The following GRIK1 variants were observed in gnomAD, a reference collection of about 807,000 sequenced individuals.
The protein encoded by GRIK1 is glutamate ionotropic receptor kainate type subunit 1.
GRIK1 carries 69 observed loss-of-function variants against 105.7 expected under a neutral mutation model. The observed-to-expected ratio is 0.65, with a 90% confidence interval of 0.54 to 0.80. The LOEUF (loss-of-function observed/expected upper bound fraction) is 0.80. GRIK1 is among the 30% of genes least tolerant of loss of function. The pLI, the probability that GRIK1 is intolerant of heterozygous loss-of-function variation, is 0.00. For synonymous variants in GRIK1, 438 were observed against 431.3 expected, an observed-to-expected ratio of 1.02 and a Z score of -0.19; for missense variants, 1,109 against 1,167.3, an observed-to-expected ratio of 0.95 and a Z score of 0.73.
intron 14 of GRIK1, among the ~76,000 whole-genome samples, chr21:29,573,426 A>C (rs2090804558): frequency 6.6e-6 from 1 of 152,216 alleles, no homozygotes; most frequent in Admixed American, 6.5e-5. Flanking sequence ...AAAGAGGGGC[A>C]TGAGAAAGAA....
At chr21:29,596,289 T>TG in intron 9 of GRIK1, 1 of 649,600 alleles carries the variant, frequency 1.5e-6, no homozygotes, top group Non-Finnish European at 2.8e-6. Context: ...AAAATAATCT[T>TG]GGGGGAAATA....
intron 1 of GRIK1, among the ~76,000 whole-genome samples, chr21:29,706,293 T>G (rs1213349432): frequency 6.6e-6 from 1 of 152,234 alleles, no homozygotes; most frequent in African/African-American, 2.4e-5. Flanking sequence ...TTTACTGATT[T>G]AAATAATTGT....
chr21:29,629,778 C>T (rs1169770541), intron 7 of GRIK1, among the ~76,000 whole-genome samples: 30 of 152,100 alleles, frequency 2.0e-4, no homozygotes, highest in Admixed American at 1.9e-3. Flanking sequence ...CGTGAGCCAC[C>T]GCGCCTGGCC....
chr21:29,641,391 A>G (rs2062507042), intron 7 of GRIK1, among the ~76,000 whole-genome samples: 1 of 146,450 alleles, frequency 6.8e-6, no homozygotes, highest in African/African-American at 2.8e-5. Context: ...GCCACCATGT[A>G]GACATGCCTT....
intron 1 of GRIK1, among the ~76,000 whole-genome samples, chr21:29,761,766 T>TTC (rs1555884720): frequency 1.3e-5 from 2 of 151,296 alleles, no homozygotes; most frequent in Non-Finnish European, 3.0e-5. Flanking sequence ...TTTTTTTTTT[T>TTC]CTCACAGTTT....
chr21:29,923,536 T>C (rs2071258297), intron 1 of GRIK1, among the ~76,000 whole-genome samples: 1 of 152,202 alleles, frequency 6.6e-6, no homozygotes, highest in South Asian at 2.1e-4. Flanking sequence ...ACAACGAGTG[T>C]TTCCTTTCTC....
chr21:29,709,238 A>T (rs73354528), intron 1 of GRIK1, among the ~76,000 whole-genome samples: 2,212 of 151,588 alleles, frequency 0.015, 65 homozygotes, highest in African/African-American at 0.051. Context: ...ACTTGCTGGT[A>T]AATAAATGAC....
intron 1 of GRIK1, among the ~76,000 whole-genome samples, chr21:29,772,612 A>T (rs902098266): frequency 2.6e-5 from 4 of 152,198 alleles, no homozygotes; most frequent in Admixed American, 1.3e-4. Flanking sequence ...TTTGAACAAA[A>T]ACTAATTGCA....
intron 1 of GRIK1, among the ~76,000 whole-genome samples, chr21:29,835,608 A>ACAGT (rs1309918845): frequency 1.3e-5 from 2 of 152,286 alleles, no homozygotes; most frequent in East Asian, 3.9e-4. Context: ...GGGTATTAAA[A>ACAGT]CAGTCAGTGC....
intron 4 of GRIK1, among the ~76,000 whole-genome samples, chr21:29,669,177 T>C (rs2063118052): frequency 6.6e-6 from 1 of 152,226 alleles, no homozygotes; most frequent in Non-Finnish European, 1.5e-5. Context: ...ATTACTTTGC[T>C]GGAGTAATTA....
At chr21:29,876,632 T>C (rs2146163109) in intron 1 of GRIK1, among the ~76,000 whole-genome samples, 1 of 152,350 alleles carries the variant, frequency 6.6e-6, no homozygotes, top group Non-Finnish European at 1.5e-5. Flanking sequence ...CACGTTATCC[T>C]AGTGCTATTA....
chr21:29,598,691 AAGAG>A (rs1271213248), intron 8 of GRIK1, 135 bp downstream of exon 8: 3 of 530,484 alleles, frequency 5.7e-6, no homozygotes, highest in Non-Finnish European at 9.9e-6. Flanking sequence ...AGAAAAAAGA[AAGAG>A]AGATAAAAAA....
chr21:29,661,265 A>G (rs1021036362), intron 4 of GRIK1, among the ~76,000 whole-genome samples: 10 of 152,356 alleles, frequency 6.6e-5, no homozygotes, highest in African/African-American at 2.2e-4. Context: ...TATGGAGGGG[A>G]CCAAATAATG....
At chr21:29,828,184 C>T (rs58756065) in intron 1 of GRIK1, among the ~76,000 whole-genome samples, 268 of 152,030 alleles carry the variant, frequency 1.8e-3, no homozygotes, top group African/African-American at 5.9e-3. Context: ...TATTCTGCTT[C>T]CTTCTATTGG....
chr21:29,820,806 G>A (rs767723723), intron 1 of GRIK1, among the ~76,000 whole-genome samples: 9 of 151,916 alleles, frequency 5.9e-5, no homozygotes, highest in Non-Finnish European at 1.0e-4. Flanking sequence ...TTATTACTAG[G>A]CAATCAGGAT....
At chr21:29,587,065 G>C (rs1484831042) in intron 12 of GRIK1, among the ~76,000 whole-genome samples, 1 of 152,022 alleles carries the variant, frequency 6.6e-6, no homozygotes, top group Non-Finnish European at 1.5e-5. Flanking sequence ...CACATCATTT[G>C]AGCCATTACT....
chr21:29,917,324 T>G (rs1370257923), intron 1 of GRIK1, among the ~76,000 whole-genome samples: 1 of 152,050 alleles, frequency 6.6e-6, no homozygotes, highest in Non-Finnish European at 1.5e-5. Flanking sequence ...ATTAAGCATG[T>G]CTCACTTCTT....
At chr21:29,856,011 G>T (rs529700910) in intron 1 of GRIK1, among the ~76,000 whole-genome samples, 1 of 152,316 alleles carries the variant, frequency 6.6e-6, no homozygotes, top group South Asian at 2.1e-4. Flanking sequence ...CTTAATCTTG[G>T]AAATATTGTT....
chr21:29,778,410 G>C (rs910697890), intron 1 of GRIK1, among the ~76,000 whole-genome samples: 5 of 152,158 alleles, frequency 3.3e-5, no homozygotes, highest in African/African-American at 1.2e-4. Flanking sequence ...AGATTCTAGC[G>C]CAGTTCCTTG....
Sources: allele counts gnomAD v4.1 joint callset (sites outside exome capture counted in the v4.1 genomes callset), GRCh38; gene constraint gnomAD v4.1.1; transcripts MANE v1.5; gene names NCBI Gene and HGNC (gene_info 2026-07-23, HGNC 2026-07-21).